Variants in ARID4B observed in about 807,000 individuals in gnomAD.
ARID4B encodes AT-rich interactive domain-containing protein 4B.
In ARID4B, 26 loss-of-function variants were observed where a neutral mutation model predicts 147.5. The ratio of observed to expected loss-of-function variants is 0.18; its 90% confidence interval spans 0.13 to 0.24. ARID4B has a LOEUF of 0.24. Among genes scored for constraint, ARID4B ranks in the 10% least tolerant of loss-of-function variants. ARID4B has a pLI of 1.00. For missense variants in ARID4B, 1,179 were observed against 1,511.5 expected (o/e 0.78, Z 3.65); for synonymous variants, 512 against 507.9 (o/e 1.01, Z -0.11).
intron 23 of ARID4B, among the ~76,000 whole-genome samples, chr1:235,171,297 T>A (rs1304369943): frequency 6.6e-6 from 1 of 151,700 alleles, no homozygotes; most frequent in Non-Finnish European, 1.5e-5. Flanking sequence ...TAGCTGGGCG[T>A]GGCAGCACGC....
At chr1:235,241,939 T>G (rs904533914) in intron 7 of ARID4B, among the ~76,000 whole-genome samples, 1 of 152,080 alleles carries the variant, frequency 6.6e-6, no homozygotes, top group Non-Finnish European at 1.5e-5. Flanking sequence ...ACAAAGCAAA[T>G]CTTCAAAGCT....
chr1:235,188,202 AATAAT>A (rs1004236512), intron 19 of ARID4B, among the ~76,000 whole-genome samples: 1 of 152,140 alleles, frequency 6.6e-6, no homozygotes, highest in African/African-American at 2.4e-5. Flanking sequence ...CAATTTCTGA[AATAAT>A]ATAAACCTAT....
intron 17 of ARID4B, among the ~76,000 whole-genome samples, chr1:235,199,163 C>T (rs1011781542): frequency 2.0e-5 from 3 of 152,120 alleles, no homozygotes; most frequent in South Asian, 2.1e-4. Flanking sequence ...TCCCTGAAAA[C>T]TTACTATAGA....
chr1:235,209,819 C>T (rs2102999106), intron 17 of ARID4B, among the ~76,000 whole-genome samples: 1 of 152,234 alleles, frequency 6.6e-6, no homozygotes, highest in East Asian at 1.9e-4. Context: ...CCGCCTCGGC[C>T]TCCCAAAGTG....
intron 19 of ARID4B, among the ~76,000 whole-genome samples, chr1:235,184,185 T>G (rs1241863337): frequency 6.6e-6 from 1 of 152,224 alleles, no homozygotes; most frequent in Non-Finnish European, 1.5e-5. Flanking sequence ...TGATAACTTA[T>G]GTAAAATTAA....
intron 19 of ARID4B, among the ~76,000 whole-genome samples, chr1:235,192,286 T>TA (rs1408134935): frequency 1.3e-5 from 2 of 152,102 alleles, no homozygotes; most frequent in Non-Finnish European, 2.9e-5. Context: ...TGAAGAAAAG[T>TA]AAAGCAAGGA....
chr1:235,265,378 A>T (rs1670538123), intron 2 of ARID4B, among the ~76,000 whole-genome samples: 1 of 151,910 alleles, frequency 6.6e-6, no homozygotes, highest in South Asian at 2.1e-4. Context: ...AAAAAAAAAA[A>T]AGTCAGTATA....
chr1:235,309,165 T>C (rs201940062), intron 2 of ARID4B, among the ~76,000 whole-genome samples: 69,066 of 134,892 alleles, frequency 0.51, 16,791 homozygotes, highest in South Asian at 0.65. Flanking sequence ...TGCCCGGCCG[T>C]GACCCCGTCT....
intron 8 of ARID4B, among the ~76,000 whole-genome samples, chr1:235,239,242 G>A (rs777081972): frequency 9.2e-5 from 14 of 152,042 alleles, no homozygotes; most frequent in Non-Finnish European, 1.8e-4. Context: ...AAAGTGCTAG[G>A]ATTACAGGTG....
At chr1:235,221,770 A>C in intron 13 of ARID4B, 108 bp from the exon 14 acceptor site, 1 of 452,098 alleles carries the variant, frequency 2.2e-6, no homozygotes, top group Non-Finnish European at 3.8e-6. Flanking sequence ...TTGGTCCTAG[A>C]CTCAAAAGAA....
chr1:235,256,591 C>T (rs375728469), intron 4 of ARID4B, among the ~76,000 whole-genome samples: 2 of 152,356 alleles, frequency 1.3e-5, no homozygotes, highest in South Asian at 4.1e-4. Flanking sequence ...AAATAAAACT[C>T]TCCAACTGTT....
intron 11 of ARID4B, among the ~76,000 whole-genome samples, chr1:235,226,683 G>C (rs12027647): frequency 3.3e-5 from 5 of 151,896 alleles, no homozygotes; most frequent in African/African-American, 1.2e-4. Context: ...CACCATGCCC[G>C]GCTAATTTTT....
At chr1:235,189,337 T>C (rs920736985) in intron 19 of ARID4B, among the ~76,000 whole-genome samples, 2 of 134,434 alleles carry the variant, frequency 1.5e-5, no homozygotes, top group South Asian at 2.3e-4. Flanking sequence ...AGGGCAGAGA[T>C]TGCAGTGAGC....
At chr1:235,321,351 G>C (rs1674819306) in intron 2 of ARID4B, among the ~76,000 whole-genome samples, 1 of 152,130 alleles carries the variant, frequency 6.6e-6, no homozygotes, top group East Asian at 1.9e-4. Flanking sequence ...ATTCACACCA[G>C]ATTAACCAAG....
chr1:235,302,650 TACACGTTAGCACTTGA>T (rs746354156), intron 2 of ARID4B, among the ~76,000 whole-genome samples: 53 of 152,322 alleles, frequency 3.5e-4, no homozygotes, highest in Admixed American at 6.5e-4. Context: ...CTCTAAACAA[TACACGTTAGCACTTGA>T]ACACCTGCCC....
intron 22 of ARID4B, 27 bp downstream of exon 22, chr1:235,175,157 T>G (rs1256772328): frequency 6.3e-7 from 1 of 1,576,742 alleles, no homozygotes; most frequent in Admixed American, 1.7e-5. Context: ...GAAGTTTGTA[T>G]GCTTGTCAAT....
At chr1:235,270,784 T>G (rs11799507) in intron 2 of ARID4B, among the ~76,000 whole-genome samples, 44,853 of 152,104 alleles carry the variant, frequency 0.29, 7,742 homozygotes, top group South Asian at 0.53. Flanking sequence ...GTCACAATCA[T>G]ATTCAAATGC....
chr1:235,287,079 GTGAAACCCT>G (rs1672020507), intron 2 of ARID4B, among the ~76,000 whole-genome samples: 1 of 152,138 alleles, frequency 6.6e-6, no homozygotes, highest in Admixed American at 6.5e-5. Flanking sequence ...GGCTAACACG[GTGAAACCCT>G]GTCTCTACTA....
chr1:235,208,677 T>G (rs58746785), intron 17 of ARID4B, among the ~76,000 whole-genome samples: 8,991 of 79,826 alleles, frequency 0.11, 855 homozygotes, highest in African/African-American at 0.24. Flanking sequence ...TAATTTTGTG[T>G]TTTTTTTTAG....
Sources: gnomAD v4.1 joint callset for allele counts (sites outside exome capture counted in the v4.1 genomes callset) on GRCh38, gnomAD v4.1.1 for gene constraint, MANE v1.5 for transcripts, NCBI Gene and HGNC (gene_info 2026-07-23, HGNC 2026-07-21) for gene names.